Variants in UVRAG observed in about 807,000 individuals in gnomAD.
UVRAG encodes the protein UV radiation resistance associated.
In UVRAG, 19 loss-of-function variants were observed where a neutral mutation model predicts 78.0. The observed-to-expected ratio is 0.24, with a 90% CI of 0.17 to 0.36. The LOEUF (loss-of-function observed/expected upper bound fraction) is 0.36. Among genes scored for constraint, UVRAG ranks in the 10% least tolerant of loss-of-function variants. The pLI is 1.00. For synonymous variants in UVRAG, 323 were observed against 324.6 expected (o/e 1.00, Z 0.05); for missense variants, 740 against 853.8 (o/e 0.87, Z 1.66).
intron 4 of UVRAG, among the ~76,000 whole-genome samples, chr11:75,882,379 G>T (rs969017220): frequency 3.9e-5 from 6 of 151,922 alleles, no homozygotes; most frequent in African/African-American, 1.5e-4. Context: ...TGGGCACAGC[G>T]GCATGTGCCT....
chr11:75,862,449 A>G (rs1429338755), intron 3 of UVRAG, among the ~76,000 whole-genome samples: 1 of 152,214 alleles, frequency 6.6e-6, no homozygotes, highest in Admixed American at 6.5e-5. Flanking sequence ...TAATGAAAAT[A>G]TCTTAGTAAT....
At chr11:75,936,225 T>G (rs1227776802) in intron 6 of UVRAG, among the ~76,000 whole-genome samples, 1 of 152,258 alleles carries the variant, frequency 6.6e-6, no homozygotes, top group Non-Finnish European at 1.5e-5. Flanking sequence ...CTACCATGTT[T>G]CTTCTCTGTG....
At chr11:75,866,035 T>C (rs1303013059) in intron 3 of UVRAG, among the ~76,000 whole-genome samples, 1 of 152,052 alleles carries the variant, frequency 6.6e-6, no homozygotes, top group Non-Finnish European at 1.5e-5. Flanking sequence ...GGTGGGCGGA[T>C]TGCTTGAGCC....
At chr11:75,936,203 C>T (rs1294546569) in intron 6 of UVRAG, among the ~76,000 whole-genome samples, 1 of 152,156 alleles carries the variant, frequency 6.6e-6, no homozygotes, top group Non-Finnish European at 1.5e-5. Flanking sequence ...ACTTTGAAGC[C>T]TTAATTAGTG....
intron 12 of UVRAG, among the ~76,000 whole-genome samples, chr11:76,048,909 A>G (rs150534796): frequency 6.6e-6 from 1 of 152,364 alleles, no homozygotes; most frequent in African/African-American, 2.4e-5. Flanking sequence ...TGTAAGGAAC[A>G]TGGCTGTGCT....
At chr11:76,019,592 TAGAGGTACCACTTGGTGGTCTTGG>T (rs1490702894) in intron 12 of UVRAG, among the ~76,000 whole-genome samples, 1 of 152,246 alleles carries the variant, frequency 6.6e-6, no homozygotes, top group African/African-American at 2.4e-5. Flanking sequence ...TGCAGTCTTG[TAGAGGTACCACTTGGTGGTCTTGG>T]ATAAGATCCA....
chr11:75,909,624 A>G (rs1470539722), intron 5 of UVRAG, among the ~76,000 whole-genome samples: 1 of 152,228 alleles, frequency 6.6e-6, no homozygotes, highest in East Asian at 1.9e-4. Flanking sequence ...CATTGTTTTC[A>G]CAGATTGCAT....
intron 6 of UVRAG, among the ~76,000 whole-genome samples, chr11:75,951,799 G>A (rs1038382768): frequency 3.3e-5 from 5 of 151,940 alleles, no homozygotes; most frequent in Admixed American, 2.0e-4. Context: ...GCTATTTCCC[G>A]CCCCCAACAT....
At chr11:76,071,090 A>G (rs1951298769) in intron 13 of UVRAG, among the ~76,000 whole-genome samples, 1 of 152,224 alleles carries the variant, frequency 6.6e-6, no homozygotes, top group Non-Finnish European at 1.5e-5. Flanking sequence ...CGTTAAGCTT[A>G]TAACCTGATG....
intron 13 of UVRAG, among the ~76,000 whole-genome samples, chr11:76,077,168 T>C (rs896159811): frequency 3.4e-5 from 5 of 148,854 alleles, no homozygotes; most frequent in Non-Finnish European, 5.9e-5. Flanking sequence ...TATGTAAATA[T>C]TATATATACA....
chr11:76,141,208 C>T lies in UVRAG; in HGVS notation c.1895C>T (p.Ala632Val). The T allele has an allele frequency of 6.2e-7, 1 of 1,614,100 alleles. No homozygotes were observed. The highest frequency in any genetic ancestry group is 8.5e-7 in the Non-Finnish European group (1 of 1,180,034). ...EAELCCTVEQ[A>V]EEIIGLEATG... is the part of the protein sequence containing the mutation. ...GAGCTCTGCTGTACTGTGGAGCAAG[C>T]AGAAGAAATCATCGGGCTGGAAGCC... Residue 632 changes from alanine (A) to valine (V), a missense_variant, in exon 15 of 15, where the codon GCA becomes GTA. Coordinates refer to ENST00000356136, the MANE Select transcript of UVRAG (RefSeq NM_003369.4).
intron 5 of UVRAG, chr11:75,911,710 T>G: frequency 3.0e-6 from 1 of 336,864 alleles, no homozygotes; most frequent in South Asian, 4.2e-5. Flanking sequence ...GACTCAGGGC[T>G]GGGCTGGGCG....
intron 12 of UVRAG, among the ~76,000 whole-genome samples, chr11:76,023,642 G>A (rs1181388612): frequency 6.6e-6 from 1 of 152,102 alleles, no homozygotes; most frequent in Non-Finnish European, 1.5e-5. Context: ...AAAATGAGGT[G>A]TCATACTGAG....
chr11:76,006,770 G>A (rs1949952604), intron 9 of UVRAG, among the ~76,000 whole-genome samples: 1 of 149,222 alleles, frequency 6.7e-6, no homozygotes, highest in Non-Finnish European at 1.5e-5. Context: ...ATTGGTTTTT[G>A]AGGTAATTAT....
chr11:76,101,427 C>T (rs1348886153), intron 13 of UVRAG, among the ~76,000 whole-genome samples: 1 of 151,968 alleles, frequency 6.6e-6, no homozygotes, highest in Non-Finnish European at 1.5e-5. Context: ...TGTTCATGTC[C>T]TTTGCTCTCT....
intron 5 of UVRAG, among the ~76,000 whole-genome samples, chr11:75,896,125 GA>G (rs974774492): frequency 6.6e-6 from 1 of 152,228 alleles, no homozygotes; most frequent in African/African-American, 2.4e-5. Flanking sequence ...ATAATTTGAA[GA>G]GCACTTCAGG....
At chr11:76,061,166 C>T (rs932341854) in intron 12 of UVRAG, among the ~76,000 whole-genome samples, 2 of 152,178 alleles carry the variant, frequency 1.3e-5, no homozygotes, top group African/African-American at 2.4e-5. Context: ...TGTGAATGCA[C>T]CAGTCCACAC....
chr11:75,968,209 T>G (rs1949061855), intron 7 of UVRAG, among the ~76,000 whole-genome samples: 1 of 152,220 alleles, frequency 6.6e-6, no homozygotes, highest in African/African-American at 2.4e-5. Flanking sequence ...ATGTTTAACA[T>G]TTCCCATTTT....
intron 2 of UVRAG, among the ~76,000 whole-genome samples, chr11:75,857,891 A>C (rs1172975704): frequency 6.6e-6 from 1 of 150,780 alleles, no homozygotes; most frequent in Non-Finnish European, 1.5e-5. Flanking sequence ...CCCTTTTATA[A>C]ATTGTGATTA....
Sources: gnomAD v4.1 joint callset for allele counts (sites outside exome capture counted in the v4.1 genomes callset) on GRCh38, gnomAD v4.1.1 for gene constraint, MANE v1.5 for transcripts, NCBI Gene and HGNC (gene_info 2026-07-23, HGNC 2026-07-21) for gene names.